PDK1: variants seen among roughly 807,000 people sequenced by gnomAD.
The protein encoded by PDK1 is [Pyruvate dehydrogenase (acetyl-transferring)] kinase isozyme 1, mitochondrial.
A neutral mutation model predicts 54.2 loss-of-function variants in PDK1; 39 were observed. The ratio of observed to expected loss-of-function variants is 0.72; its 90% CI spans 0.56 to 0.94. The LOEUF is 0.94. PDK1 is among the 40% of genes least tolerant of loss of function. The pLI is 0.00. For synonymous variants in PDK1, 221 were observed against 207.1 expected, an observed-to-expected ratio of 1.07 and a Z score of -0.58; for missense variants, 552 against 566.0, an observed-to-expected ratio of 0.98 and a Z score of 0.25.
chr2:172,644,952 A>G, the PDK1 span, among the ~76,000 whole-genome samples: 1 of 116,610 alleles, frequency 8.6e-6, no homozygotes, highest in African/African-American at 2.8e-5. Context: ...TAAAATACAG[A>G]TAATATTACT....
At chr2:172,629,488 G>A in the PDK1 span, among the ~76,000 whole-genome samples, 1 of 152,032 alleles carries the variant, frequency 6.6e-6, no homozygotes, top group African/African-American at 2.4e-5. Context: ...AGTTCAGCCG[G>A]GGAAGACCGA....
In PDK1 at chr2:172,599,781, T is replaced by C. The variant is rs1558963646; in HGVS notation, c.*3812T>C. The C allele has an allele frequency of 6.6e-6, 1 of 152,222 alleles. No homozygotes were observed. Among genetic ancestry groups the C allele is most frequent in the Non-Finnish European group, 1.5e-5 (1 of 68,020 alleles). The allele number at this position is 152,222 out of a possible 1,614,324, so 9.4% of individuals were successfully genotyped here. A position where few individuals can be genotyped will look rare whatever the true frequency, so the allele number is the denominator to read the frequency against. On this transcript the variant is annotated 3_prime_UTR_variant, in exon 11 of 11. Transcript: ENST00000282077. ...GTCTCCACAGTTCTTTAGCAATTGC[T>C]AACCATAGGTTTTTAATAGCAAAAG...
At chr2:172,654,972 C>T in the PDK1 span, among the ~76,000 whole-genome samples, 1 of 152,114 alleles carries the variant, frequency 6.6e-6, no homozygotes, top group Admixed American at 6.5e-5. Context: ...CTCAGTACTG[C>T]CTTGTCATCC....
the PDK1 span, among the ~76,000 whole-genome samples, chr2:172,643,911 T>A: frequency 6.6e-6 from 1 of 152,346 alleles, no homozygotes; most frequent in East Asian, 1.9e-4. Flanking sequence ...TATGTGGGCC[T>A]CCGTTAGCAT....
rs1384264774 is a variant in PDK1, at chr2:172,600,179, C to T, written c.*4210C>T. On this transcript the variant is annotated 3_prime_UTR_variant, in exon 11 of 11. Transcript: ENST00000282077. ...AATATAAAAAGCCACAGTATTCTTGCCATGGTTTTGTACTTAGATGTCTCT... is the reference window on the plus strand; with the variant it reads ...AATATAAAAAGCCACAGTATTCTTGTCATGGTTTTGTACTTAGATGTCTCT... 6.6e-6 allele frequency: 1 copy of T among 152,088 alleles called. No homozygotes were observed. Among genetic ancestry groups the T allele is most frequent in the Non-Finnish European group, 1.5e-5 (1 of 68,030 alleles). 9.4% of individuals were successfully genotyped at this position (152,088 alleles called of 1,614,324 possible).
At chr2:172,709,176 C>G in the PDK1 span, among the ~76,000 whole-genome samples, 1 of 152,184 alleles carries the variant, frequency 6.6e-6, no homozygotes, top group African/African-American at 2.4e-5. Flanking sequence ...AATACATCTA[C>G]TACCACCACC....
the PDK1 span, among the ~76,000 whole-genome samples, chr2:172,655,104 C>A: frequency 6.6e-6 from 1 of 152,186 alleles, no homozygotes; most frequent in Non-Finnish European, 1.5e-5. Flanking sequence ...TCCTGACCCA[C>A]CTTTTGGAGC....
intron 8 of PDK1, among the ~76,000 whole-genome samples, chr2:172,581,538 A>C (rs1869922): frequency 6.6e-6 from 1 of 152,154 alleles, no homozygotes; most frequent in Non-Finnish European, 1.5e-5. Flanking sequence ...AAAGGTCTCA[A>C]AAAGACTGTT....
intron 7 of PDK1, among the ~76,000 whole-genome samples, chr2:172,569,098 A>C (rs1277688218): frequency 1.3e-5 from 2 of 152,224 alleles, no homozygotes; most frequent in African/African-American, 4.8e-5. Context: ...TCTGAGCCTC[A>C]GTTTCCTTTT....
the PDK1 span, among the ~76,000 whole-genome samples, chr2:172,704,574 G>GT: frequency 6.6e-6 from 1 of 152,172 alleles, no homozygotes; most frequent in Non-Finnish European, 1.5e-5. Flanking sequence ...TCTACAGAGT[G>GT]TGAGAGCCAG....
At chr2:172,681,645 TAATA>T in the PDK1 span, among the ~76,000 whole-genome samples, 1 of 152,198 alleles carries the variant, frequency 6.6e-6, no homozygotes, top group African/African-American at 2.4e-5. Flanking sequence ...ACAATACACA[TAATA>T]AATAAGTAAA....
At chr2:172,626,880 TA>T in the PDK1 span, among the ~76,000 whole-genome samples, 4 of 152,224 alleles carry the variant, frequency 2.6e-5, no homozygotes, top group African/African-American at 9.6e-5. Flanking sequence ...AAATGTCTTA[TA>T]GAAGGCACAG....
chr2:172,618,125 C>T, the PDK1 span, among the ~76,000 whole-genome samples: 1 of 152,100 alleles, frequency 6.6e-6, no homozygotes, highest in African/African-American at 2.4e-5. Flanking sequence ...GCTTCCAAGT[C>T]TGCATATAAA....
chr2:172,557,477 TG>T (rs1197916387), intron 1 of PDK1, among the ~76,000 whole-genome samples: 1 of 152,178 alleles, frequency 6.6e-6, no homozygotes, highest in East Asian at 1.9e-4. Flanking sequence ...GATCCTGATA[TG>T]GGAGTGTAGA....
the PDK1 span, among the ~76,000 whole-genome samples, chr2:172,628,468 C>A: frequency 6.6e-6 from 1 of 152,122 alleles, no homozygotes; most frequent in Non-Finnish European, 1.5e-5. Context: ...CCCCTTGATC[C>A]CTGCCCCCCA....
the PDK1 span, among the ~76,000 whole-genome samples, chr2:172,642,403 G>T: frequency 6.6e-6 from 1 of 152,286 alleles, no homozygotes; most frequent in African/African-American, 2.4e-5. Context: ...TGAGTATGGT[G>T]TAGGAGTGGC....
At chr2:172,662,493 C>CTGTGTGTGTGTGTGTGT in the PDK1 span, among the ~76,000 whole-genome samples, 2 of 143,614 alleles carry the variant, frequency 1.4e-5, no homozygotes, top group Admixed American at 1.4e-4. Flanking sequence ...TTTTTAAAAT[C>CTGTGTGTGTGTGTGTGT]GTGTGTGTGT....
At position 172,584,298 on chromosome 2, in the gene PDK1, A is replaced by G. The variant is rs547056803; in HGVS notation, c.946-1980A>G. Among the ~76,000 whole-genome samples the G allele has an allele frequency of 5.1e-4, 78 of 152,222 alleles. 1 individual carries two copies. In the South Asian group the frequency reaches 0.015, roughly 30 times the overall value. ...GAGAAAATTACTCATTCTACAGACA[A>G]TAAAATTAGATATCATTTCAGACCT... On this transcript the variant is annotated intron_variant, in intron 8 of 10. Coordinates refer to ENST00000282077, the MANE Select transcript of PDK1 (RefSeq NM_002610.5).
intron 8 of PDK1, among the ~76,000 whole-genome samples, chr2:172,582,788 G>T (rs1653378991): frequency 6.6e-6 from 1 of 152,110 alleles, no homozygotes; most frequent in South Asian, 2.1e-4. Flanking sequence ...CCAGTTTATT[G>T]TATTGTTGGC....
Sources: gnomAD v4.1 joint callset for allele counts (sites outside exome capture counted in the v4.1 genomes callset) on GRCh38, gnomAD v4.1.1 for gene constraint, MANE v1.5 for transcripts, NCBI Gene and HGNC (gene_info 2026-07-23, HGNC 2026-07-21) for gene names.